Variants in HM13 observed in about 807,000 individuals in gnomAD.
HM13 encodes the protein signal peptide peptidase.
A neutral mutation model predicts 50.0 loss-of-function variants in HM13; 18 were observed. That is an observed-to-expected ratio of 0.36 (90% CI 0.25 to 0.53). The LOEUF (loss-of-function observed/expected upper bound fraction) is 0.53, where lower values mean the gene tolerates loss of function less well. Among genes scored for constraint, HM13 ranks in the 20% least tolerant of loss-of-function variants. The pLI is 0.90. For synonymous variants in HM13, 197 were observed against 232.6 expected (o/e 0.85, Z 1.39); for missense variants, 393 against 552.4 (o/e 0.71, Z 2.89).
chr20:31,560,662 G>T (rs1843004171), intron 9 of HM13, among the ~76,000 whole-genome samples: 1 of 152,186 alleles, frequency 6.6e-6, no homozygotes, highest in South Asian at 2.1e-4. Flanking sequence ...CTATTTGCTG[G>T]AGACAGATTC....
At chr20:31,544,922 C>A in intron 3 of HM13, 25 bp from the exon 4 acceptor site, 1 of 1,607,100 alleles carries the variant, frequency 6.2e-7, no homozygotes, top group South Asian at 1.1e-5. Flanking sequence ...CTCTGTTTGC[C>A]GACTTGCTTT....
intron 1 of HM13, among the ~76,000 whole-genome samples, chr20:31,517,915 A>G (rs578197369): frequency 1.1e-4 from 16 of 152,140 alleles, no homozygotes; most frequent in Admixed American, 5.9e-4. Context: ...GCTGTTGAGT[A>G]TATAACCTTT....
chr20:31,545,127 G>A (rs1983639700), intron 4 of HM13, 92 bp downstream of exon 4: 6 of 967,568 alleles, frequency 6.2e-6, no homozygotes, highest in African/African-American at 1.6e-5. Flanking sequence ...CTCCAATAGA[G>A]CAACTGATGA....
At chr20:31,561,820 A>C (rs1253352071) in intron 10 of HM13, 84 bp downstream of exon 10, 17 of 957,024 alleles carry the variant, frequency 1.8e-5, no homozygotes, top group Non-Finnish European at 3.4e-6. Flanking sequence ...AAATGCAAGC[A>C]GTCCAGAGAT....
At chr20:31,538,375 A>G (rs371262676) in intron 3 of HM13, 114 bp downstream of exon 3, 1 of 1,581,950 alleles carries the variant, frequency 6.3e-7, no homozygotes, top group East Asian at 2.3e-5. Flanking sequence ...AATCCTGGCT[A>G]TAAAACTCAA....
chr20:31,527,685 A>G, intron 2 of HM13, 103 bp downstream of exon 2: 1 of 826,398 alleles, frequency 1.2e-6, no homozygotes, highest in Non-Finnish European at 1.9e-6. Context: ...TTTATAGAAA[A>G]TAAAGAAGAA....
chr20:31,569,334 G>A lies in HM13; in HGVS notation c.*115G>A. 1.5e-6 allele frequency: 1 copy of A among 648,904 alleles called. No individual in the cohort carries two copies. Among genetic ancestry groups the A allele is most frequent in the South Asian group, 2.0e-5 (1 of 49,670 alleles). 40.2% of individuals were successfully genotyped at this position (648,904 alleles called of 1,614,324 possible). A position where few individuals can be genotyped will look rare whatever the true frequency, so the allele number is the denominator to read the frequency against. ...CAAGGGCAGCTCCAGGACAGGGCAG[G>A]GGGCAGCAGGATACCTCCAGCCAGG... On this transcript the variant is annotated 3_prime_UTR_variant, in exon 13 of 13. Transcript: ENST00000398174.
chr20:31,553,815 C>T (rs1984155294), intron 7 of HM13, among the ~76,000 whole-genome samples: 1 of 152,088 alleles, frequency 6.6e-6, no homozygotes, highest in African/African-American at 2.4e-5. Context: ...TTTTCTCCCT[C>T]AGCAAATACA....
intron 7 of HM13, among the ~76,000 whole-genome samples, chr20:31,551,360 C>G (rs963223748): frequency 6.6e-6 from 1 of 152,154 alleles, no homozygotes; most frequent in Non-Finnish European, 1.5e-5. Flanking sequence ...TTCATGGTCC[C>G]AAGATGGCTG....
At chr20:31,521,735 A>G (rs2122542348) in intron 1 of HM13, among the ~76,000 whole-genome samples, 1 of 151,870 alleles carries the variant, frequency 6.6e-6, no homozygotes, top group East Asian at 1.9e-4. Context: ...TCTCAAAAAA[A>G]AAAAAAAAAA....
chr20:31,557,243 A>T (rs1361476736), intron 8 of HM13, among the ~76,000 whole-genome samples: 2 of 152,174 alleles, frequency 1.3e-5, no homozygotes, highest in East Asian at 3.8e-4. Flanking sequence ...TCTCTGTCAG[A>T]CAAAAGAAAT....
At chr20:31,530,497 G>A (rs904881569) in intron 2 of HM13, among the ~76,000 whole-genome samples, 6 of 150,758 alleles carry the variant, frequency 4.0e-5, no homozygotes, top group Non-Finnish European at 7.4e-5. Context: ...TGCAACCTCC[G>A]CCTCCCTAGT....
chr20:31,567,825 T>G, intron 11 of HM13: 2 of 447,580 alleles, frequency 4.5e-6, no homozygotes, highest in Non-Finnish European at 7.9e-6. Flanking sequence ...TAGAGGTGTT[T>G]CCACAGCAGC....
chr20:31,534,693 G>T (rs1165405294), intron 2 of HM13, among the ~76,000 whole-genome samples: 1 of 151,850 alleles, frequency 6.6e-6, no homozygotes, highest in Non-Finnish European at 1.5e-5. Context: ...GAGGCAGGAG[G>T]ATCACTTGAA....
intron 2 of HM13, among the ~76,000 whole-genome samples, chr20:31,531,508 C>T (rs1464629293): frequency 6.6e-6 from 1 of 152,002 alleles, no homozygotes; most frequent in Non-Finnish European, 1.5e-5. Context: ...ATGATCCTCC[C>T]GTCTCAGCCT....
intron 1 of HM13, among the ~76,000 whole-genome samples, chr20:31,523,383 C>A (rs1982299229): frequency 6.6e-6 from 1 of 152,028 alleles, no homozygotes; most frequent in African/African-American, 2.4e-5. Context: ...CTCCCTCAGC[C>A]TCCCAAGTAG....
chr20:31,557,703 CT>C (rs1180267680), intron 8 of HM13, among the ~76,000 whole-genome samples: 1,016 of 80,878 alleles, frequency 0.013, 4 homozygotes, highest in African/African-American at 0.041. Flanking sequence ...GGCAGTGCTT[CT>C]TTTTTTTTTT....
chr20:31,514,651 C>G lies in HM13; in HGVS notation c.100C>G (p.Leu34Val). The G allele has an allele frequency of 1.9e-6, 3 of 1,571,026 alleles. No homozygotes were observed. Among genetic ancestry groups the G allele is most frequent in the Non-Finnish European group, 2.6e-6 (3 of 1,159,332 alleles). ...RPPSTPEGIA[L>V]AYGSLLLMAL... ...GCCTTCCACGCCCGAGGGCATCGCG[C>G]TGGCCTACGGCAGCCTCCTGCTCAT... is the stretch of plus-strand genomic sequence containing the variant. The change falls in exon 1 of 13, where the codon CTG (leucine) becomes GTG (valine). Residue 34 changes from leucine (L) to valine (V), a missense_variant. Around this residue, in one of 3 missense-constraint regions of HM13, gnomAD observed 214 missense variants for 276.1 expected, o/e 0.77. Coordinates refer to ENST00000398174, the MANE Select transcript of HM13 (RefSeq NM_178581.3). This position sits in a 1 kb window ranked among gnomAD's most constrained non-coding sequence, Gnocchi z 4.3.
Position 31,561,840 on chromosome 20 carries a change from C to G in HM13, c.948+104C>G, listed in dbSNP as rs58752890. 1.8e-3 allele frequency: 1,417 copies of G among 787,212 alleles called. 25 individuals are homozygous for G. The African/African-American group carries it at 0.022, about 12-fold the overall frequency. The allele number at this position is 787,212 out of a possible 1,614,324, so 48.8% of individuals were successfully genotyped here. On this transcript the variant is annotated intron_variant, in intron 10 of 12. Coordinates refer to ENST00000398174, the MANE Select transcript of HM13 (RefSeq NM_178581.3). Reference sequence around the variant, plus strand: ...CAAGCAGTCCAGAGATAGGCACTCCCCACTGGTGTTGGAGCAGTCATGTCT... The same window carrying G: ...CAAGCAGTCCAGAGATAGGCACTCCGCACTGGTGTTGGAGCAGTCATGTCT...
Sources: allele counts gnomAD v4.1 joint callset (sites outside exome capture counted in the v4.1 genomes callset), GRCh38; gene constraint gnomAD v4.1.1; regional missense constraint gnomAD v4.1.1; non-coding constraint Gnocchi (gnomAD v3.1); transcripts MANE v1.5; gene names NCBI Gene and HGNC (gene_info 2026-07-23, HGNC 2026-07-21).